PEAK1: variants seen among roughly 807,000 people sequenced by gnomAD.
PEAK1 encodes inactive tyrosine-protein kinase PEAK1.
A neutral mutation model predicts 124.7 loss-of-function variants in PEAK1; 54 were observed. That is an observed-to-expected ratio of 0.43 (90% CI 0.35 to 0.54). The LOEUF is 0.54. Ranked by LOEUF, PEAK1 falls within the 20% of genes least tolerant of loss-of-function variation. The pLI is 0.01. For synonymous variants in PEAK1, 719 were observed against 760.0 expected (o/e 0.95, Z 0.89); for missense variants, 2,046 against 2,134.5 (o/e 0.96, Z 0.82).
intron 2 of PEAK1, chr15:77,350,300 G>A: frequency 3.0e-6 from 3 of 985,340 alleles, no homozygotes; most frequent in Non-Finnish European, 3.6e-6. Context: ...TATATAATTT[G>A]GGTGGGAATC....
intron 6 of PEAK1, among the ~76,000 whole-genome samples, chr15:77,191,979 A>G (rs2057856283): frequency 6.6e-6 from 1 of 152,208 alleles, no homozygotes; most frequent in Non-Finnish European, 1.5e-5. Context: ...TGAAATGTGG[A>G]CAATCAAGCT....
At chr15:77,224,134 T>G (rs567429996) in intron 6 of PEAK1, among the ~76,000 whole-genome samples, 41 of 146,492 alleles carry the variant, frequency 2.8e-4, no homozygotes, top group African/African-American at 9.2e-4. Context: ...TAAGTAGTAG[T>G]TTTTTTTTTT....
chr15:77,122,484 C>T (rs1217085325), intron 9 of PEAK1, among the ~76,000 whole-genome samples: 3 of 152,156 alleles, frequency 2.0e-5, no homozygotes, highest in African/African-American at 4.8e-5. Flanking sequence ...GTCCAATAAC[C>T]AGCTCAGGGC....
chr15:77,400,918 T>C (rs1011100167), intron 1 of PEAK1, among the ~76,000 whole-genome samples: 7 of 152,160 alleles, frequency 4.6e-5, no homozygotes, highest in Non-Finnish European at 7.4e-5. Flanking sequence ...TTAAAACATT[T>C]TTCTAATCTC....
rs765612698 is a variant in PEAK1, at chr15:77,114,865, T to C, written c.4532A>G (p.His1511Arg). The change falls in exon 10 of 10, where the codon CAT becomes CGT. Residue 1511 changes from histidine to arginine, a missense_variant. Physicochemically the swap from His to Arg is conservative, Grantham distance 29 (BLOSUM62 0). Coordinates refer to ENST00000682557, the MANE Select transcript of PEAK1 (RefSeq NM_001385026.1). ...CSGLEHLKPY[H>R]VTHCDLRLEN... ...TAGGCGTAGATCGCAGTGAGTGACATGGTAGGGTTTGAGGTGCTCAAGACC... is the reference window on the plus strand; with the variant it reads ...TAGGCGTAGATCGCAGTGAGTGACACGGTAGGGTTTGAGGTGCTCAAGACC... 1 of 1,613,556 alleles carries C rather than the reference T, an allele frequency of 6.2e-7. No individual in the cohort carries two copies.
rs948802007 is a variant in PEAK1, at chr15:77,182,157, C to T, written c.-114-117G>A. Reference sequence around the variant, plus strand: ...CTAAACTTTTCCTTAAATTAAAAGACTGAGAGCTAAACTAATTTGTGTACT... The same window carrying T: ...CTAAACTTTTCCTTAAATTAAAAGATTGAGAGCTAAACTAATTTGTGTACT... On this transcript the variant is annotated intron_variant, in intron 6 of 9. Transcript: ENST00000682557. The T allele has an allele frequency of 4.9e-5, 47 of 951,384 alleles. No individual in the cohort carries two copies. The African/African-American group carries it at 7.6e-4, about 15-fold the overall frequency. 58.9% of individuals were successfully genotyped at this position (951,384 alleles called of 1,614,324 possible). A position where few individuals can be genotyped will look rare whatever the true frequency, so the allele number is the denominator to read the frequency against.
chr15:77,341,619 C>A (rs2066540472), intron 2 of PEAK1, among the ~76,000 whole-genome samples: 1 of 152,154 alleles, frequency 6.6e-6, no homozygotes, highest in Non-Finnish European at 1.5e-5. Context: ...CCCTCCTACT[C>A]CCACCAGGTC....
At chr15:77,350,019 T>C in intron 2 of PEAK1, 6 of 985,034 alleles carry the variant, frequency 6.1e-6, no homozygotes, top group Non-Finnish European at 7.2e-6. Flanking sequence ...GAAGAAGACA[T>C]AGAACAGCAA....
chr15:77,406,145 C>T (rs1385917866), intron 1 of PEAK1, among the ~76,000 whole-genome samples: 2 of 152,130 alleles, frequency 1.3e-5, no homozygotes, highest in Non-Finnish European at 2.9e-5. Context: ...AACGAACGAG[C>T]TCTTTTAACT....
chr15:77,158,468 A>C (rs762269489), intron 8 of PEAK1, 35 bp downstream of exon 8: 4 of 1,583,932 alleles, frequency 2.5e-6, no homozygotes, highest in Admixed American at 1.7e-5. Context: ...AAAAAGGCAA[A>C]GTTTAAATAC....
At chr15:77,339,865 C>T (rs1049657899) in intron 2 of PEAK1, among the ~76,000 whole-genome samples, 1 of 152,106 alleles carries the variant, frequency 6.6e-6, no homozygotes, top group African/African-American at 2.4e-5. Flanking sequence ...AAAGAAGATA[C>T]ATATATGAAA....
chr15:77,195,652 T>C (rs1192771783), intron 6 of PEAK1, among the ~76,000 whole-genome samples: 1 of 152,242 alleles, frequency 6.6e-6, no homozygotes, highest in Non-Finnish European at 1.5e-5. Context: ...TCCTCCTACA[T>C]GTATACTTTA....
intron 1 of PEAK1, among the ~76,000 whole-genome samples, chr15:77,408,432 G>A (rs1414161356): frequency 4.6e-5 from 7 of 151,942 alleles, no homozygotes; most frequent in Non-Finnish European, 5.9e-5. Context: ...GGGGTACAGC[G>A]TACACTGCTT....
intron 1 of PEAK1, among the ~76,000 whole-genome samples, chr15:77,390,593 A>G (rs1365962484): frequency 1.3e-5 from 2 of 152,226 alleles, no homozygotes; most frequent in African/African-American, 4.8e-5. Context: ...GAAAATGAGT[A>G]AAAGAAGTAT....
chr15:77,274,126 C>T (rs946339101), intron 5 of PEAK1, among the ~76,000 whole-genome samples: 1 of 152,108 alleles, frequency 6.6e-6, no homozygotes, highest in Non-Finnish European at 1.5e-5. Context: ...AAAATCCACT[C>T]GAAATGGACC....
intron 2 of PEAK1, among the ~76,000 whole-genome samples, chr15:77,320,294 T>C (rs1024020216): frequency 6.6e-6 from 1 of 152,142 alleles, no homozygotes; most frequent in African/African-American, 2.4e-5. Flanking sequence ...ATACTGTAAT[T>C]ATTTGCATAT....
At position 77,179,465 on chromosome 15, in the gene PEAK1, AAG is replaced by A; in HGVS notation, c.2460_2461del (p.Phe821TyrfsTer5). On this transcript the variant is annotated frameshift_variant, in exon 7 of 10. Transcript: ENST00000682557. LOFTEE classifies it high-confidence loss of function. ...AGCCTCACCACTAGGCTGAGATGTA[AAG>A]AGAGATTTGGGCCGGACTGGCGTAC... 6.2e-7 allele frequency: 1 copy of A among 1,614,006 alleles called. No homozygotes were observed. The highest frequency in any genetic ancestry group is 8.5e-7 in the Non-Finnish European group (1 of 1,179,986).
chr15:77,313,645 T>A (rs1275289305), intron 2 of PEAK1, among the ~76,000 whole-genome samples: 1 of 96,964 alleles, frequency 1.0e-5, no homozygotes, highest in Admixed American at 1.1e-4. Flanking sequence ...TATGTATGTA[T>A]GTATGTATGT....
chr15:77,182,459 G>C (rs1354622419), intron 6 of PEAK1, among the ~76,000 whole-genome samples: 1 of 151,920 alleles, frequency 6.6e-6, no homozygotes, highest in Non-Finnish European at 1.5e-5. Flanking sequence ...TGAAAATGAA[G>C]CTTCGGGGCT....
Sources: gnomAD v4.1 joint callset for allele counts (sites outside exome capture counted in the v4.1 genomes callset) on GRCh38, gnomAD v4.1.1 for gene constraint, MANE v1.5 for transcripts, NCBI Gene and HGNC (gene_info 2026-07-23, HGNC 2026-07-21) for gene names.